Variants in NBAS observed in about 807,000 individuals in gnomAD.
NBAS encodes NBAS subunit of NRZ tethering complex.
NBAS carries 219 observed loss-of-function variants against 302.5 expected under a neutral mutation model. The observed-to-expected ratio is 0.72, with a 90% CI of 0.65 to 0.81. The LOEUF (loss-of-function observed/expected upper bound fraction) is 0.81, where lower values mean the gene tolerates loss of function less well. Ranked by LOEUF, NBAS falls within the 30% of genes least tolerant of loss-of-function variation. The pLI is 0.00. For synonymous variants in NBAS, 1,118 were observed against 1,021.6 expected, an observed-to-expected ratio of 1.09 and a Z score of -1.80; for missense variants, 2,932 against 2,841.6, an observed-to-expected ratio of 1.03 and a Z score of -0.72.
intron 35 of NBAS, among the ~76,000 whole-genome samples, chr2:15,336,957 A>G (rs922990284): frequency 2.3e-4 from 35 of 152,234 alleles, no homozygotes; most frequent in African/African-American, 8.2e-4. Context: ...AGGTAAATGA[A>G]ACCAATTGAA....
At chr2:15,039,738 G>A in the NBAS span, among the ~76,000 whole-genome samples, 14 of 152,190 alleles carry the variant, frequency 9.2e-5, no homozygotes, top group African/African-American at 1.4e-4. Flanking sequence ...GTCTCAGCTC[G>A]GACACCCCAG....
At chr2:15,287,887 C>CCG (rs1161709938) in intron 41 of NBAS, among the ~76,000 whole-genome samples, 1 of 151,598 alleles carries the variant, frequency 6.6e-6, no homozygotes, top group African/African-American at 2.4e-5. Flanking sequence ...GTAGGCATCC[C>CCG]CGCATAAACA....
the NBAS span, among the ~76,000 whole-genome samples, chr2:14,795,284 G>A: frequency 6.6e-6 from 1 of 152,084 alleles, no homozygotes; most frequent in Non-Finnish European, 1.5e-5. Context: ...CAGTCTTTTA[G>A]ACATTCTAAT....
the NBAS span, among the ~76,000 whole-genome samples, chr2:14,789,739 T>G: frequency 6.6e-6 from 1 of 152,206 alleles, no homozygotes. Context: ...GCCTTGTACG[T>G]GCTTCTATAC....
chr2:15,238,771 G>T, intron 44 of NBAS, 85 bp from the exon 45 acceptor site: 1 of 1,253,530 alleles, frequency 8.0e-7, no homozygotes, highest in Non-Finnish European at 1.1e-6. Flanking sequence ...TAGAACAAAA[G>T]TGAAATTTTT....
the NBAS span, among the ~76,000 whole-genome samples, chr2:14,924,911 G>A: frequency 4.8e-4 from 73 of 152,170 alleles, 1 homozygote; most frequent in East Asian, 0.013. Context: ...GTCTCTCAGC[G>A]GTTTCCACCT....
chr2:15,062,776 C>T, the NBAS span, among the ~76,000 whole-genome samples: 10 of 152,158 alleles, frequency 6.6e-5, no homozygotes, highest in East Asian at 3.9e-4. Context: ...TAGTAAAATC[C>T]GAAAGACAAG....
chr2:15,438,245 T>G (rs549244992), intron 21 of NBAS, among the ~76,000 whole-genome samples: 7 of 152,320 alleles, frequency 4.6e-5, no homozygotes, highest in African/African-American at 1.7e-4. Context: ...ATTAACCTTA[T>G]AGTACACACC....
the NBAS span, among the ~76,000 whole-genome samples, chr2:15,153,199 T>G: frequency 1.3e-5 from 2 of 152,234 alleles, no homozygotes; most frequent in Non-Finnish European, 2.9e-5. Flanking sequence ...CCCATGATGA[T>G]TAGCCACATG....
chr2:14,810,968 T>C, the NBAS span, among the ~76,000 whole-genome samples: 1 of 152,152 alleles, frequency 6.6e-6, no homozygotes, highest in Non-Finnish European at 1.5e-5. Flanking sequence ...GAGTGCCTGA[T>C]TTCAGATCAG....
intron 38 of NBAS, among the ~76,000 whole-genome samples, chr2:15,313,419 T>C (rs897099367): frequency 6.6e-6 from 1 of 152,210 alleles, no homozygotes; most frequent in Admixed American, 6.5e-5. Flanking sequence ...TGGAAGCTTA[T>C]GTAAATCTGC....
At chr2:14,845,522 A>G in the NBAS span, among the ~76,000 whole-genome samples, 1 of 152,250 alleles carries the variant, frequency 6.6e-6, no homozygotes, top group Admixed American at 6.5e-5. Context: ...AAGCATTAAG[A>G]ACATTCAGGA....
At chr2:15,173,085 G>C (rs1664370617) in intron 51 of NBAS, among the ~76,000 whole-genome samples, 1 of 152,216 alleles carries the variant, frequency 6.6e-6, no homozygotes, top group Non-Finnish European at 1.5e-5. Flanking sequence ...TCTAGAAAGG[G>C]AAGGGCTTAT....
chr2:15,462,967 AG>A (rs1679570410), intron 19 of NBAS, among the ~76,000 whole-genome samples: 1 of 152,200 alleles, frequency 6.6e-6, no homozygotes, highest in Non-Finnish European at 1.5e-5. Flanking sequence ...AACCAAAAGA[AG>A]AAAAGTATTT....
At chr2:15,469,292 T>G (rs1018237789) in intron 16 of NBAS, among the ~76,000 whole-genome samples, 2 of 152,202 alleles carry the variant, frequency 1.3e-5, no homozygotes, top group Non-Finnish European at 2.9e-5. Flanking sequence ...AATTGTGATG[T>G]TAGGGTGTCA....
chr2:15,304,946 G>C (rs927012639), intron 40 of NBAS, among the ~76,000 whole-genome samples: 1 of 152,172 alleles, frequency 6.6e-6, no homozygotes, highest in Admixed American at 6.5e-5. Context: ...ACTTGCTTTT[G>C]ATTTTACAGG....
chr2:15,503,728 G>A (rs1661696568), intron 11 of NBAS, among the ~76,000 whole-genome samples: 3 of 152,068 alleles, frequency 2.0e-5, no homozygotes, highest in South Asian at 2.1e-4. Context: ...TTTCTTCTTG[G>A]AGCATCAGTA....
chr2:15,292,027 T>G lies in NBAS; in HGVS notation c.5027+510A>C, dbSNP rs146638148. On this transcript the variant is annotated intron_variant, in intron 41 of 51. Coordinates refer to ENST00000281513, the MANE Select transcript of NBAS (RefSeq NM_015909.4). ...CTCTGTTGCCCAAGCTGGGGTGGAG[T>G]GCAGTGGCATGATCTCAGCTCACTG... Among the ~76,000 whole-genome samples the G allele has an allele frequency of 5.2e-3, 794 of 152,294 alleles. 10 individuals are homozygous for G. The highest frequency in any genetic ancestry group is 0.018 in the African/African-American group (748 of 41,570).
intron 38 of NBAS, among the ~76,000 whole-genome samples, chr2:15,314,090 A>C (rs1671398196): frequency 6.6e-6 from 1 of 152,094 alleles, no homozygotes; most frequent in Admixed American, 6.5e-5. Flanking sequence ...ATGGTGGCTC[A>C]TGCCTGTAAT....
Sources: allele counts gnomAD v4.1 joint callset (sites outside exome capture counted in the v4.1 genomes callset), GRCh38; gene constraint gnomAD v4.1.1; transcripts MANE v1.5; gene names NCBI Gene and HGNC (gene_info 2026-07-23, HGNC 2026-07-21).